NTNG1: variants seen among roughly 807,000 people sequenced by gnomAD.
NTNG1 encodes netrin G1.
NTNG1 carries 16 observed loss-of-function variants against 54.0 expected under a neutral mutation model. That is an observed-to-expected ratio of 0.30 (90% confidence interval 0.20 to 0.45). The LOEUF is 0.45. NTNG1 is among the 20% of genes least tolerant of loss of function. NTNG1 has a pLI of 1.00. For missense variants in NTNG1, 530 were observed against 678.7 expected (o/e 0.78, Z 2.43); for synonymous variants, 255 against 263.1 (o/e 0.97, Z 0.30).
At chr1:107,241,495 A>G (rs1346602003) in intron 2 of NTNG1, among the ~76,000 whole-genome samples, 1 of 152,172 alleles carries the variant, frequency 6.6e-6, no homozygotes, top group Non-Finnish European at 1.5e-5. Flanking sequence ...GATATTAGTA[A>G]AGAGGCCAAG....
chr1:107,449,374 C>T (rs2101473406), intron 7 of NTNG1, among the ~76,000 whole-genome samples: 1 of 152,046 alleles, frequency 6.6e-6, no homozygotes, highest in South Asian at 2.1e-4. Flanking sequence ...TTACAAAACT[C>T]CCTAGGTGAG....
chr1:107,276,580 T>C (rs971224896), intron 2 of NTNG1, among the ~76,000 whole-genome samples: 3 of 152,080 alleles, frequency 2.0e-5, no homozygotes, highest in African/African-American at 7.2e-5. Flanking sequence ...CCCATAACAC[T>C]GGGTATCTAC....
intron 2 of NTNG1, among the ~76,000 whole-genome samples, chr1:107,269,560 G>C (rs1469045964): frequency 6.6e-6 from 1 of 152,068 alleles, no homozygotes; most frequent in African/African-American, 2.4e-5. Flanking sequence ...CCCATCATTT[G>C]TCTTTATCCC....
At chr1:107,254,812 T>C (rs1424353057) in intron 2 of NTNG1, among the ~76,000 whole-genome samples, 2 of 152,242 alleles carry the variant, frequency 1.3e-5, no homozygotes, top group African/African-American at 2.4e-5. Context: ...TTGCCCATGA[T>C]TGTGTATTAT....
At chr1:107,265,220 A>G (rs1439758500) in intron 2 of NTNG1, among the ~76,000 whole-genome samples, 1 of 152,176 alleles carries the variant, frequency 6.6e-6, no homozygotes. Flanking sequence ...AAAAATTTAT[A>G]CCAAATCAGT....
intron 4 of NTNG1, among the ~76,000 whole-genome samples, chr1:107,402,910 T>G (rs1370177726): frequency 6.6e-6 from 1 of 152,112 alleles, no homozygotes; most frequent in Non-Finnish European, 1.5e-5. Flanking sequence ...TTCCTCTCAA[T>G]TTGAAGCATG....
At chr1:107,340,276 T>A (rs1215471632) in intron 3 of NTNG1, among the ~76,000 whole-genome samples, 1 of 152,054 alleles carries the variant, frequency 6.6e-6, no homozygotes, top group East Asian at 1.9e-4. Context: ...TCCAGAAAAT[T>A]GATAGGCATA....
intron 5 of NTNG1, 91 bp from the exon 6 acceptor site, chr1:107,430,659 T>G: frequency 7.6e-7 from 1 of 1,311,634 alleles, no homozygotes; most frequent in Non-Finnish European, 1.1e-6. Context: ...TCCACCGTCT[T>G]TTCTCCATCC....
chr1:107,256,277 T>A (rs1385823458), intron 2 of NTNG1, among the ~76,000 whole-genome samples: 2 of 152,144 alleles, frequency 1.3e-5, no homozygotes, highest in African/African-American at 4.8e-5. Context: ...ACCAAAGATA[T>A]CTCTCAGAAG....
intron 3 of NTNG1, among the ~76,000 whole-genome samples, chr1:107,377,818 G>A (rs1005114411): frequency 1.5e-4 from 23 of 152,358 alleles, no homozygotes; most frequent in Admixed American, 3.9e-4. Context: ...TCAGACTTAC[G>A]TCACTAACCA....
intron 5 of NTNG1, among the ~76,000 whole-genome samples, chr1:107,421,554 A>G (rs1332050219): frequency 1.3e-5 from 2 of 152,120 alleles, no homozygotes; most frequent in African/African-American, 4.8e-5. Context: ...TCACTTTGTG[A>G]CAAATGAAAC....
At chr1:107,316,049 G>A (rs954386347) in intron 2 of NTNG1, among the ~76,000 whole-genome samples, 8 of 152,104 alleles carry the variant, frequency 5.3e-5, no homozygotes, top group Non-Finnish European at 1.2e-4. Context: ...TTTCCCTAAC[G>A]CCTAAGTTGT....
chr1:107,443,037 A>G (rs183498456), intron 7 of NTNG1, among the ~76,000 whole-genome samples: 92 of 152,266 alleles, frequency 6.0e-4, no homozygotes, highest in Non-Finnish European at 1.2e-3. Context: ...ACAGGCTCCT[A>G]TCAGTGACGC....
rs1394806532 is a variant in NTNG1, at chr1:107,152,598, A to G, written c.246+3759A>G. Among the ~76,000 whole-genome samples the G allele has an allele frequency of 3.3e-5, 5 of 152,216 alleles. No homozygotes were observed. In the South Asian group the frequency reaches 1.0e-3, roughly 32 times the overall value. On this transcript the variant is annotated intron_variant, in intron 2 of 7. Transcript: ENST00000370068. ...GGAAGAACTCATGTGTGTTTATACAATTTATGGCTCAGAAGTGCTGATCAC... is the reference window on the plus strand; with the variant it reads ...GGAAGAACTCATGTGTGTTTATACAGTTTATGGCTCAGAAGTGCTGATCAC...
intron 6 of NTNG1, among the ~76,000 whole-genome samples, chr1:107,433,779 G>A (rs1356313749): frequency 6.6e-6 from 1 of 152,152 alleles, no homozygotes; most frequent in East Asian, 1.9e-4. Flanking sequence ...TACCCTGCTT[G>A]AGGCGCTGAG....
At chr1:107,184,120 AC>A (rs1657268887) in intron 2 of NTNG1, among the ~76,000 whole-genome samples, 1 of 151,866 alleles carries the variant, frequency 6.6e-6, no homozygotes, top group Admixed American at 6.6e-5. Flanking sequence ...CCAAAATCTC[AC>A]CTCATGACTT....
At chr1:107,325,948 A>T (rs1667928023) in intron 3 of NTNG1, among the ~76,000 whole-genome samples, 1 of 152,114 alleles carries the variant, frequency 6.6e-6, no homozygotes, top group African/African-American at 2.4e-5. Flanking sequence ...ATAAGGCAGG[A>T]TTGATTCAAT....
At chr1:107,189,342 C>A (rs1303928425) in intron 2 of NTNG1, among the ~76,000 whole-genome samples, 1 of 87,556 alleles carries the variant, frequency 1.1e-5, no homozygotes, top group Non-Finnish European at 2.1e-5. Flanking sequence ...CAGAGACAGA[C>A]CTTGTCTCAA....
rs182273710 is a variant in NTNG1 at position 107,351,402 on chromosome 1, G to C, written c.887+26480G>C. Among the ~76,000 whole-genome samples, 38 of 152,294 alleles carry C rather than the reference G, an allele frequency of 2.5e-4. No individual in the cohort carries two copies. The East Asian group carries it at 5.0e-3, about 20-fold the overall frequency. On this transcript the variant is annotated intron_variant, in intron 3 of 7. Transcript: ENST00000370068. Reference sequence around the variant, plus strand: ...CATGGCAGCAGCTGCTTCTGGGGAGGCCTCAGAGAGCTTTTACTCATGGTG... The same window carrying C: ...CATGGCAGCAGCTGCTTCTGGGGAGCCCTCAGAGAGCTTTTACTCATGGTG...
Sources: gnomAD v4.1 joint callset for allele counts (sites outside exome capture counted in the v4.1 genomes callset) on GRCh38, gnomAD v4.1.1 for gene constraint, MANE v1.5 for transcripts, NCBI Gene and HGNC (gene_info 2026-07-23, HGNC 2026-07-21) for gene names.